TFIP11: variants seen among roughly 807,000 people sequenced by gnomAD.
The protein encoded by TFIP11 is tuftelin-interacting protein 11.
TFIP11 carries 86 observed loss-of-function variants against 96.8 expected under a neutral mutation model. That is an observed-to-expected ratio of 0.89 (90% confidence interval 0.75 to 1.06). The LOEUF is 1.06. Ranked by LOEUF, TFIP11 falls within the 50% of genes least tolerant of loss-of-function variation. The pLI is 0.00. For synonymous variants in TFIP11, 405 were observed against 395.2 expected (o/e 1.02, Z -0.29); for missense variants, 881 against 1,076.7 (o/e 0.82, Z 2.54).
At chr22:26,499,707 C>T in intron 8 of TFIP11, 76 bp from the exon 9 acceptor site, 1 of 1,453,580 alleles carries the variant, frequency 6.9e-7, no homozygotes, top group Non-Finnish European at 9.3e-7. Flanking sequence ...AGGGGAAGGC[C>T]CCATGACAGG....
At position 26,494,701 on chromosome 22, in the gene TFIP11, A is replaced by G. The variant is rs934651027; in HGVS notation, c.1992+96T>C. On this transcript the variant is annotated intron_variant, in intron 13 of 14. Coordinates refer to ENST00000407690, the MANE Select transcript of TFIP11 (RefSeq NM_012143.4). The stretch of plus-strand genomic sequence containing the variant: ...CTACCCTACCATGTAATTTATTTTC[A>G]TTATGGAATTGTACCTACAGTCAGG... 12 of 1,517,478 alleles carry G rather than the reference A, an allele frequency of 7.9e-6. No individual in the cohort carries two copies. In the African/African-American group the frequency reaches 9.7e-5, roughly 12 times the overall value. The allele number at this position is 1,517,478 out of a possible 1,614,324, so 94.0% of individuals were successfully genotyped here. A position where few individuals can be genotyped will look rare whatever the true frequency, so the allele number is the denominator to read the frequency against.
chr22:26,499,334 C>T lies in TFIP11; in HGVS notation c.1099G>A (p.Glu367Lys), dbSNP rs1922470849. 6.2e-7 allele frequency: 1 copy of T among 1,614,060 alleles called. No homozygotes were observed. Among genetic ancestry groups the T allele is most frequent in the Non-Finnish European group, 8.5e-7 (1 of 1,179,934 alleles). ...EKMTEVLDHEERVISNLSKVL... is the reference protein window; with the variant it reads ...EKMTEVLDHEKRVISNLSKVL... ...TTGCTGAGGTTCGAGATGACCCGCT[C>T]CTCGTGGTCCAGGACCTCGGTCATC... Residue 367 changes from glutamate to lysine, a missense_variant, in exon 9 of 15, where the codon GAG becomes AAG. Physicochemically the swap from Glu to Lys is moderately conservative, Grantham distance 56. Coordinates refer to ENST00000407690, the MANE Select transcript of TFIP11 (RefSeq NM_012143.4).
At chr22:26,493,923 G>A in intron 14 of TFIP11, 1 of 540,868 alleles carries the variant, frequency 1.8e-6, no homozygotes, top group East Asian at 3.3e-5. Flanking sequence ...TCTCCACTCA[G>A]GGAAGATGCC....
chr22:26,508,762 T>C (rs1173871755), intron 4 of TFIP11, among the ~76,000 whole-genome samples: 1 of 151,796 alleles, frequency 6.6e-6, no homozygotes, highest in East Asian at 1.9e-4. Flanking sequence ...GGAGAATCAC[T>C]TGAATCCAGG....
intron 6 of TFIP11, among the ~76,000 whole-genome samples, 155 bp from the exon 7 acceptor site, chr22:26,503,948 T>A (rs1386844571): frequency 6.6e-6 from 1 of 152,174 alleles, no homozygotes; most frequent in Non-Finnish European, 1.5e-5. Flanking sequence ...AGAACACTAC[T>A]CTTGTCCCTT....
chr22:26,500,953 C>G (rs1298459231), intron 8 of TFIP11, among the ~76,000 whole-genome samples: 1 of 147,230 alleles, frequency 6.8e-6, no homozygotes, highest in Non-Finnish European at 1.5e-5. Flanking sequence ...GCACGATTTC[C>G]GCTCACTGCA....
At chr22:26,505,035 C>G (rs1431460574) in intron 6 of TFIP11, among the ~76,000 whole-genome samples, 1 of 152,124 alleles carries the variant, frequency 6.6e-6, no homozygotes, top group Non-Finnish European at 1.5e-5. Context: ...TGAGATCGTG[C>G]CACTGCACTC....
At chr22:26,498,587 C>A in intron 10 of TFIP11, 4 of 266,690 alleles carry the variant, frequency 1.5e-5, no homozygotes, top group East Asian at 1.5e-4. Flanking sequence ...TCAATGTATA[C>A]TTCTCAGGAG....
chr22:26,491,575 T>C lies in TFIP11; in HGVS notation c.*438A>G, dbSNP rs747206022. The C allele has an allele frequency of 6.2e-6, 10 of 1,614,018 alleles. No homozygotes were observed. Among genetic ancestry groups the C allele is most frequent in the South Asian group, 5.5e-5 (5 of 91,078 alleles). The stretch of plus-strand genomic sequence containing the variant: ...GTGCAAAAGCTAGAACAGCTCTCCA[T>C]AGATATTTGGGAGTTTCGGGAAGAA... On this transcript the variant is annotated 3_prime_UTR_variant, in exon 15 of 15. Coordinates refer to ENST00000407690, the MANE Select transcript of TFIP11 (RefSeq NM_012143.4).
intron 4 of TFIP11, among the ~76,000 whole-genome samples, chr22:26,507,240 T>C (rs999958339): frequency 6.6e-6 from 1 of 152,134 alleles, no homozygotes; most frequent in Non-Finnish European, 1.5e-5. Flanking sequence ...AAAATTAATT[T>C]ATCATAAAAA....
At chr22:26,492,760 AC>A in intron 14 of TFIP11, 1 of 195,542 alleles carries the variant, frequency 5.1e-6, no homozygotes, top group Non-Finnish European at 1.1e-5. Flanking sequence ...TAGGGCCCAT[AC>A]TGGCTTTATT....
intron 14 of TFIP11, chr22:26,493,737 G>A (rs977984111): frequency 1.3e-4 from 27 of 206,292 alleles, no homozygotes; most frequent in Admixed American, 1.3e-3. Context: ...AAATGGGGCT[G>A]ATTAAGGCTG....
chr22:26,492,211 G>A lies in TFIP11; in HGVS notation c.2316C>T (p.Asn772=). The A allele has an allele frequency of 1.9e-6, 3 of 1,614,220 alleles. No homozygotes were observed. Among genetic ancestry groups the A allele is most frequent in the South Asian group, 1.1e-5 (1 of 91,084 alleles). ...IGVAASSVPM[N]FKDLIETKAE... ...CCTTGGTCTCAATGAGGTCCTTAAA[G>A]TTCATGGGCACAGAGCTAGCGGCCA... Residue 772 remains asparagine, a synonymous_variant, in exon 15 of 15, where the codon AAC becomes AAT. Transcript: ENST00000407690.
Position 26,506,358 on chromosome 22 carries a change from C to A in TFIP11, c.465G>T (p.Lys155Asn). 1 of 1,613,958 alleles carries A rather than the reference C, an allele frequency of 6.2e-7. No homozygotes were observed. Among genetic ancestry groups the A allele is most frequent in the Non-Finnish European group, 8.5e-7 (1 of 1,179,868 alleles). ...GGACGTAGCCCATCTTCTGAAGAAG[C>A]TTCTGTCCAATTCCTTTTGTGTGTC... ...WERHTKGIGQKLLQKMGYVPG... is the reference protein window; with the variant it reads ...WERHTKGIGQNLLQKMGYVPG... Residue 155 changes from lysine to asparagine, a missense_variant, in exon 6 of 15, where the codon AAG becomes AAT. Transcript: ENST00000407690.
At chr22:26,496,380 T>C in intron 11 of TFIP11, 64 bp from the exon 12 acceptor site, 1 of 1,529,786 alleles carries the variant, frequency 6.5e-7, no homozygotes, top group Non-Finnish European at 8.8e-7. Context: ...CACCCCTGTG[T>C]GGCTAAAGGC....
intron 10 of TFIP11, 50 bp from the exon 11 acceptor site, chr22:26,496,939 C>G: frequency 1.3e-6 from 2 of 1,591,090 alleles, no homozygotes; most frequent in South Asian, 2.2e-5. Context: ...TGACTGGTTT[C>G]AAAGTACACC....
At chr22:26,494,723 C>A in intron 13 of TFIP11, 74 bp downstream of exon 13, 1 of 1,591,202 alleles carries the variant, frequency 6.3e-7, no homozygotes, top group South Asian at 1.1e-5. Flanking sequence ...TACCTACAGT[C>A]AGGCCTTGGC....
At chr22:26,499,719 G>T in intron 8 of TFIP11, 88 bp from the exon 9 acceptor site, 1 of 1,346,466 alleles carries the variant, frequency 7.4e-7, no homozygotes, top group Non-Finnish European at 1.0e-6. Context: ...CATGACAGGG[G>T]AAGTGTGTAG....
chr22:26,511,120 C>G (rs1018660033), intron 2 of TFIP11: 2 of 152,202 alleles, frequency 1.3e-5, no homozygotes, highest in Admixed American at 1.3e-4. Flanking sequence ...TTAACTCACA[C>G]GATCAAAAGG....
Sources: gnomAD v4.1 joint callset for allele counts (sites outside exome capture counted in the v4.1 genomes callset) on GRCh38, gnomAD v4.1.1 for gene constraint, MANE v1.5 for transcripts, NCBI Gene and HGNC (gene_info 2026-07-23, HGNC 2026-07-21) for gene names.